Variants in SPAG16 observed in about 807,000 individuals in gnomAD.
SPAG16 encodes sperm associated antigen 16, also known as sperm-associated antigen 16 protein.
Under a neutral mutation model 80.4 loss-of-function variants are expected in SPAG16, and 86 were observed. The ratio of observed to expected loss-of-function variants is 1.07; its 90% confidence interval spans 0.90 to 1.28. The LOEUF (loss-of-function observed/expected upper bound fraction) is 1.28. SPAG16 is among the 50% of genes most tolerant of loss of function. The pLI is 0.00. For synonymous variants in SPAG16, 294 were observed against 265.9 expected (o/e 1.11, Z -1.03); for missense variants, 870 against 765.3 (o/e 1.14, Z -1.61).
intron 15 of SPAG16, among the ~76,000 whole-genome samples, chr2:214,292,129 G>T (rs1289415044): frequency 6.6e-6 from 1 of 152,118 alleles, no homozygotes; most frequent in East Asian, 1.9e-4. Flanking sequence ...AGTCTGATGG[G>T]AGTTCCTTTA....
At chr2:214,147,874 T>C (rs562495569) in intron 14 of SPAG16, among the ~76,000 whole-genome samples, 1 of 152,314 alleles carries the variant, frequency 6.6e-6, no homozygotes, top group African/African-American at 2.4e-5. Context: ...TGAACTGTAA[T>C]ACAGGATGTA....
chr2:214,079,743 A>C (rs2051270579), intron 13 of SPAG16, among the ~76,000 whole-genome samples: 1 of 152,190 alleles, frequency 6.6e-6, no homozygotes, highest in African/African-American at 2.4e-5. Context: ...TTTAGAAGTC[A>C]GATTTTTGTC....
intron 10 of SPAG16, among the ~76,000 whole-genome samples, chr2:213,614,246 GTGAT>G (rs1241739846): frequency 6.6e-6 from 1 of 152,206 alleles, no homozygotes; most frequent in Non-Finnish European, 1.5e-5. Flanking sequence ...CGTCCTGCAA[GTGAT>G]TGATTAAGCT....
chr2:213,942,458 A>T (rs1044638085), intron 12 of SPAG16, among the ~76,000 whole-genome samples: 1 of 152,228 alleles, frequency 6.6e-6, no homozygotes, highest in Admixed American at 6.5e-5. Context: ...AAATCAGAAG[A>T]ACATTTTTAT....
intron 10 of SPAG16, among the ~76,000 whole-genome samples, chr2:213,686,654 A>G (rs1388910669): frequency 9.4e-6 from 1 of 106,844 alleles, no homozygotes; most frequent in South Asian, 3.6e-4. Context: ...GACTATTGGT[A>G]TGGTTAGGTA....
chr2:213,592,241 T>A (rs1252978740), intron 10 of SPAG16, among the ~76,000 whole-genome samples: 3 of 152,144 alleles, frequency 2.0e-5, no homozygotes, highest in African/African-American at 7.2e-5. Context: ...TTAAAAACAA[T>A]CACATGCACA....
At chr2:213,889,594 T>C (rs1226113045) in intron 11 of SPAG16, among the ~76,000 whole-genome samples, 8 of 150,900 alleles carry the variant, frequency 5.3e-5, no homozygotes, top group Non-Finnish European at 1.0e-4. Flanking sequence ...AACAGCCTTG[T>C]TGCTCACACA....
At chr2:213,577,086 A>G (rs902889042) in intron 10 of SPAG16, among the ~76,000 whole-genome samples, 2 of 152,144 alleles carry the variant, frequency 1.3e-5, no homozygotes, top group Non-Finnish European at 2.9e-5. Flanking sequence ...AACAACCCAC[A>G]AAATTTCATT....
chr2:213,728,971 G>A (rs2066910266), intron 10 of SPAG16, among the ~76,000 whole-genome samples: 2 of 147,812 alleles, frequency 1.4e-5, no homozygotes, highest in Non-Finnish European at 3.0e-5. Context: ...TGGGTATAAG[G>A]AGAATGATGT....
intron 15 of SPAG16, among the ~76,000 whole-genome samples, chr2:214,177,649 C>T (rs2057136998): frequency 6.6e-6 from 1 of 150,406 alleles, no homozygotes; most frequent in Admixed American, 6.7e-5. Context: ...AACAAAAATG[C>T]TTCTTATGGA....
chr2:214,300,244 T>A (rs1285581888), intron 15 of SPAG16, among the ~76,000 whole-genome samples: 1 of 152,168 alleles, frequency 6.6e-6, no homozygotes, highest in African/African-American at 2.4e-5. Flanking sequence ...GTAACAATTT[T>A]TATTCAATTG....
chr2:213,911,860 A>G (rs1263459868), intron 11 of SPAG16, among the ~76,000 whole-genome samples: 1 of 151,034 alleles, frequency 6.6e-6, no homozygotes, highest in East Asian at 1.9e-4. Context: ...AAATACACAC[A>G]CGCACACATA....
chr2:213,808,218 A>G (rs1421512854), intron 10 of SPAG16, among the ~76,000 whole-genome samples: 1 of 152,194 alleles, frequency 6.6e-6, no homozygotes, highest in Non-Finnish European at 1.5e-5. Context: ...GGTAAACAAG[A>G]ACATTTACCA....
At chr2:213,446,277 C>A (rs2071306210) in intron 9 of SPAG16, among the ~76,000 whole-genome samples, 2 of 152,156 alleles carry the variant, frequency 1.3e-5, no homozygotes, top group African/African-American at 4.8e-5. Flanking sequence ...GACATTGGTT[C>A]AGAATCTGGT....
At chr2:213,674,069 T>C (rs1403994021) in intron 10 of SPAG16, among the ~76,000 whole-genome samples, 1 of 152,172 alleles carries the variant, frequency 6.6e-6, no homozygotes, top group East Asian at 1.9e-4. Context: ...ATATATGTTG[T>C]CTTTTCTTCT....
chr2:213,995,925 A>G (rs555243711), intron 12 of SPAG16, among the ~76,000 whole-genome samples: 3 of 152,148 alleles, frequency 2.0e-5, no homozygotes, highest in Admixed American at 6.5e-5. Flanking sequence ...AAGCATACAT[A>G]CCCCTTTCCT....
In SPAG16 at chr2:213,956,514, C is replaced by G. The variant is rs545652682; in HGVS notation, c.1400+26369C>G. ...CCAGGCTGGAGTGCAGTGGTGTAAT[C>G]TCGGCTCACTGCAACCGCCGCCTCC... On this transcript the variant is annotated intron_variant, in intron 12 of 15. Transcript: ENST00000331683. Among the ~76,000 whole-genome samples the G allele has an allele frequency of 9.2e-5, 13 of 141,276 alleles. No individual in the cohort carries two copies. In the East Asian group the frequency reaches 2.2e-3, roughly 23 times the overall value. The allele number at this position is 141,276 out of a possible 152,430, so 92.7% of individuals were successfully genotyped here.
At chr2:213,297,873 A>G (rs1175535057) in intron 3 of SPAG16, among the ~76,000 whole-genome samples, 1 of 151,974 alleles carries the variant, frequency 6.6e-6, no homozygotes, top group South Asian at 2.1e-4. Flanking sequence ...AAAATTGAAA[A>G]CTCATTAAAA....
chr2:214,142,298 A>C (rs979518382), intron 14 of SPAG16, among the ~76,000 whole-genome samples: 6 of 152,128 alleles, frequency 3.9e-5, no homozygotes, highest in African/African-American at 1.2e-4. Flanking sequence ...CTTTATTCAA[A>C]TCTTTGAGAC....
Sources: gnomAD v4.1 joint callset for allele counts (sites outside exome capture counted in the v4.1 genomes callset) on GRCh38, gnomAD v4.1.1 for gene constraint, MANE v1.5 for transcripts, NCBI Gene and HGNC (gene_info 2026-07-23, HGNC 2026-07-21) for gene names.